Variants in ITGB1 observed in about 807,000 individuals in gnomAD.
ITGB1 encodes the protein integrin beta-1.
Under a neutral mutation model 86.5 loss-of-function variants are expected in ITGB1, and 24 were observed. The ratio of observed to expected loss-of-function variants is 0.28; its 90% CI spans 0.20 to 0.39. ITGB1 has a LOEUF of 0.39. Among genes scored for constraint, ITGB1 ranks in the 10% least tolerant of loss-of-function variants. The probability of loss-of-function intolerance (pLI) is 1.00; values close to 1 mark genes in which losing one functional copy is unlikely to be tolerated. For missense variants in ITGB1, 556 were observed against 946.9 expected, an observed-to-expected ratio of 0.59 and a Z score of 5.42; for synonymous variants, 323 against 316.8, an observed-to-expected ratio of 1.02 and a Z score of -0.21.
intron 1 of ITGB1, among the ~76,000 whole-genome samples, chr10:32,948,972 A>G (rs974706882): frequency 2.3e-5 from 2 of 86,120 alleles, no homozygotes; most frequent in African/African-American, 4.3e-5. Flanking sequence ...TGGATTACTG[A>G]AAAAAAAAAA....
At chr10:32,942,892 A>G (rs1395917724) in intron 1 of ITGB1, among the ~76,000 whole-genome samples, 1 of 152,040 alleles carries the variant, frequency 6.6e-6, no homozygotes, top group East Asian at 1.9e-4. Flanking sequence ...CCTGGGCAAC[A>G]TAGCAAAACT....
chr10:32,909,018 T>C (rs1202372297), intron 14 of ITGB1, among the ~76,000 whole-genome samples: 2 of 152,196 alleles, frequency 1.3e-5, no homozygotes, highest in Non-Finnish European at 2.9e-5. Context: ...AGAACTTCTG[T>C]AGCAATCAGT....
rs368761840 is a variant in ITGB1 at position 32,930,986 on chromosome 10, T to C, written c.154-942A>G. 5.9e-5 allele frequency among the ~76,000 whole-genome samples: 9 copies of C among 152,178 alleles called. No individual in the cohort carries two copies. The East Asian group carries it at 1.2e-3, about 19-fold the overall frequency. ...TGACATTATATATGGTATTTATTTA[T>C]CAAATATCAATTTAACGGTGCTGTA... On this transcript the variant is annotated intron_variant, in intron 3 of 15. Transcript: ENST00000302278.
Position 32,922,489 on chromosome 10 carries a change from T to C in ITGB1, c.1039-143A>G, listed in dbSNP as rs2094953212. On this transcript the variant is annotated intron_variant, in intron 8 of 15. Coordinates refer to ENST00000302278, the MANE Select transcript of ITGB1 (RefSeq NM_002211.4). ...AGGAGTCAAACCTAGAAACCAGTTT[T>C]ATAATATGTGATTAAAAATTAATAT... 3 of 760,910 alleles carry C rather than the reference T, an allele frequency of 3.9e-6. No individual in the cohort carries two copies. In the South Asian group the frequency reaches 5.1e-5, roughly 13 times the overall value. The allele number at this position is 760,910 out of a possible 1,614,324, so 47.1% of individuals were successfully genotyped here.
intron 11 of ITGB1, among the ~76,000 whole-genome samples, chr10:32,915,228 G>T (rs1192662292): frequency 1.9e-4 from 29 of 151,958 alleles, no homozygotes; most frequent in Non-Finnish European, 1.0e-4. Flanking sequence ...GATCTAAAAT[G>T]GACACCCTAA....
intron 2 of ITGB1, among the ~76,000 whole-genome samples, chr10:32,933,928 T>C (rs1358598707): frequency 6.6e-6 from 1 of 152,208 alleles, no homozygotes; most frequent in African/African-American, 2.4e-5. Flanking sequence ...TTAGATTGTT[T>C]CCAAATGTAT....
At position 32,911,687 on chromosome 10, in the gene ITGB1, C is replaced by A; in HGVS notation, c.1709-17G>T. On this transcript the variant is annotated splice_polypyrimidine_tract_variant and intron_variant, in intron 12 of 15. Transcript: ENST00000302278. The stretch of plus-strand genomic sequence containing the variant: ...CACCATTTCCTGCAATTAAGCATAT[C>A]ATTTCTCAAAATGGTAAAAATATAC... 1.2e-6 allele frequency: 2 copies of A among 1,610,718 alleles called. No homozygotes were observed. Among genetic ancestry groups the A allele is most frequent in the Non-Finnish European group, 1.7e-6 (2 of 1,176,976 alleles).
chr10:32,939,672 C>T (rs2137247715), intron 1 of ITGB1, among the ~76,000 whole-genome samples: 1 of 152,178 alleles, frequency 6.6e-6, no homozygotes, highest in South Asian at 2.1e-4. Context: ...CCTCTATTAC[C>T]ATGAATATAG....
chr10:32,932,431 A>T, intron 3 of ITGB1, 84 bp downstream of exon 3: 1 of 782,760 alleles, frequency 1.3e-6, no homozygotes, highest in Non-Finnish European at 2.2e-6. Context: ...CATAAAAATT[A>T]ATATGTGCTT....
rs763822862 is a variant in ITGB1 at position 32,929,787 on chromosome 10, AAC to A, written c.376+33_376+34del. 158 of 1,221,244 alleles carry A rather than the reference AAC, an allele frequency of 1.3e-4. No individual in the cohort carries two copies. In the East Asian group the frequency reaches 3.6e-3, roughly 28 times the overall value. 75.7% of individuals were successfully genotyped at this position (1,221,244 alleles called of 1,614,324 possible). ...AAGCTGGTGTCGAATGCCTCAAGTAAACACGCAGGTATTCACAGAGTTGGGCT... is the reference window on the plus strand; with the variant it reads ...AAGCTGGTGTCGAATGCCTCAAGTAAACGCAGGTATTCACAGAGTTGGGCT... On this transcript the variant is annotated intron_variant, in intron 4 of 15. Coordinates refer to ENST00000302278, the MANE Select transcript of ITGB1 (RefSeq NM_002211.4).
At chr10:32,957,383 C>T (rs1048087299) in intron 1 of ITGB1, among the ~76,000 whole-genome samples, 3 of 152,214 alleles carry the variant, frequency 2.0e-5, no homozygotes, top group African/African-American at 7.2e-5. Flanking sequence ...GGCTCTCAGG[C>T]TCGCGGACCG....
At chr10:32,916,178 T>C (rs1312153571) in intron 11 of ITGB1, among the ~76,000 whole-genome samples, 2 of 152,186 alleles carry the variant, frequency 1.3e-5, no homozygotes, top group Non-Finnish European at 2.9e-5. Context: ...ATAAGAGCTA[T>C]TTATGATCAA....
intron 7 of ITGB1, among the ~76,000 whole-genome samples, chr10:32,923,257 A>T (rs568377979): frequency 1.3e-5 from 2 of 152,356 alleles, no homozygotes; most frequent in South Asian, 4.1e-4. Context: ...AGAGTATGAG[A>T]CTAGATAAAT....
At chr10:32,944,845 T>C in intron 1 of ITGB1, 2 of 1,185,342 alleles carry the variant, frequency 1.7e-6, no homozygotes, top group South Asian at 2.4e-5. Context: ...ATGATCTGAC[T>C]GGGGATCCTC....
At chr10:32,907,277 T>A (rs1593852314) in intron 15 of ITGB1, 1 of 304,604 alleles carries the variant, frequency 3.3e-6, no homozygotes, top group East Asian at 1.2e-4. Flanking sequence ...TGATAATTTT[T>A]AAAAACCCAA....
Position 32,926,005 on chromosome 10 carries a change from T to C in ITGB1, c.652A>G (p.Ser218Gly). 3 of 1,613,978 alleles carry C rather than the reference T, an allele frequency of 1.9e-6. No homozygotes were observed. The highest frequency in any genetic ancestry group is 1.7e-6 in the Non-Finnish European group (2 of 1,179,850). The change falls in exon 6 of 16, where the codon AGC becomes GGC. Residue 218 changes from serine (S) to glycine (G), a missense_variant. Physicochemically the swap from Ser to Gly is moderately conservative, Grantham distance 56. This residue lies in a region of ITGB1 where 183 missense variants were observed against 263.9 expected (regional missense o/e 0.69). Transcript: ENST00000302278. Reference protein sequence around the residue: ...TSEQNCTSPFSYKNVLSLTNK... With the variant: ...TSEQNCTSPFGYKNVLSLTNK... Reference sequence around the variant, plus strand: ...GTAAGACTGAGCACATTTTTGTAGCTAAATGGGCTGGTGCAGTTCTGTTCA... The same window carrying C: ...GTAAGACTGAGCACATTTTTGTAGCCAAATGGGCTGGTGCAGTTCTGTTCA...
At position 32,928,119 on chromosome 10, in the gene ITGB1, C is replaced by G. The variant is rs200464013; in HGVS notation, c.522G>C (p.Arg174Ser). 3 of 1,597,052 alleles carry G rather than the reference C, an allele frequency of 1.9e-6. No homozygotes were observed. Among genetic ancestry groups the G allele is most frequent in the Non-Finnish European group, 2.6e-6 (3 of 1,168,884 alleles). ...CAATTCTGAAGTCCGAAGTAATCCT[C>G]CTCATTTCATTCATCAGATCTGTTC... Reference protein sequence around the residue: ...SLGTDLMNEMRRITSDFRIGF... With the variant: ...SLGTDLMNEMSRITSDFRIGF... The change falls in exon 5 of 16, where the codon AGG becomes AGC. Residue 174 changes from arginine (R) to serine (S), a missense_variant. Around this residue, in one of 4 missense-constraint regions of ITGB1, gnomAD observed 183 missense variants for 263.9 expected, o/e 0.69. Coordinates refer to ENST00000302278, the MANE Select transcript of ITGB1 (RefSeq NM_002211.4).
chr10:32,922,132 A>T (rs1450754333), intron 9 of ITGB1, 125 bp downstream of exon 9: 1 of 561,966 alleles, frequency 1.8e-6, no homozygotes, highest in East Asian at 3.3e-5. Context: ...ATACATACAG[A>T]ATTTAAGTTT....
intron 1 of ITGB1, among the ~76,000 whole-genome samples, chr10:32,947,018 A>AT (rs2095032894): frequency 6.6e-6 from 1 of 151,662 alleles, no homozygotes; most frequent in Non-Finnish European, 1.5e-5. Flanking sequence ...TAATTTTTGT[A>AT]TTTTAGTAGA....
Sources: gnomAD v4.1 joint callset for allele counts (sites outside exome capture counted in the v4.1 genomes callset) on GRCh38, gnomAD v4.1.1 for gene constraint, gnomAD v4.1.1 regional missense constraint, MANE v1.5 for transcripts, NCBI Gene and HGNC (gene_info 2026-07-23, HGNC 2026-07-21) for gene names.